Variants in STAT3 observed in about 807,000 individuals in gnomAD.
STAT3 encodes the protein DNA-binding protein APRF.
STAT3 carries 7 observed loss-of-function variants against 114.3 expected under a neutral mutation model. The observed-to-expected ratio is 0.06, with a 90% CI of 0.03 to 0.11. The LOEUF (loss-of-function observed/expected upper bound fraction) is 0.11, where lower values mean the gene tolerates loss of function less well. Ranked by LOEUF, STAT3 falls within the 10% of genes least tolerant of loss-of-function variation. The probability of loss-of-function intolerance (pLI) is 1.00; values close to 1 mark genes in which losing one functional copy is unlikely to be tolerated. For synonymous variants in STAT3, 331 were observed against 354.5 expected, an observed-to-expected ratio of 0.93 and a Z score of 0.74; for missense variants, 364 against 960.9, an observed-to-expected ratio of 0.38 and a Z score of 8.21.
chr17:42,354,676 G>A (rs2083141976), intron 1 of STAT3, among the ~76,000 whole-genome samples: 2 of 151,002 alleles, frequency 1.3e-5, no homozygotes, highest in African/African-American at 4.9e-5. Context: ...GCGTGGTGGT[G>A]GGCGCCTGTA....
intron 10 of STAT3, 25 bp from the exon 11 acceptor site, chr17:42,331,556 GAA>G (rs1304647193): frequency 2.5e-6 from 4 of 1,598,464 alleles, no homozygotes; most frequent in African/African-American, 1.3e-5. Flanking sequence ...AAAATCCAAG[GAA>G]AAAAAGTCAG....
rs949110009 is a variant in STAT3, at chr17:42,371,511, A to T, written c.-24+16768T>A. ...ACATGGAGAAACCTCGTCTCTAATT[A>T]AAAAAAAAAAAAAAATTAGCCAGGC... On this transcript the variant is annotated intron_variant, in intron 1 of 23. Coordinates refer to ENST00000264657, the MANE Select transcript of STAT3 (RefSeq NM_139276.3). 2.2e-5 allele frequency among the ~76,000 whole-genome samples: 3 copies of T among 137,944 alleles called. No homozygotes were observed. The East Asian group carries it at 6.1e-4, about 28-fold the overall frequency. The allele number at this position is 137,944 out of a possible 152,430, so 90.5% of individuals were successfully genotyped here. A position where few individuals can be genotyped will look rare whatever the true frequency, so the allele number is the denominator to read the frequency against.
intron 1 of STAT3, among the ~76,000 whole-genome samples, chr17:42,375,529 T>C (rs563074472): frequency 6.6e-6 from 1 of 152,246 alleles, no homozygotes; most frequent in South Asian, 2.1e-4. Context: ...TTTTTAAATT[T>C]AAAAGAAATA....
At chr17:42,359,664 A>G (rs1266907290) in intron 1 of STAT3, among the ~76,000 whole-genome samples, 3 of 152,236 alleles carry the variant, frequency 2.0e-5, no homozygotes, top group Non-Finnish European at 2.9e-5. Context: ...GCGCTGTTTT[A>G]AACACTTGAC....
At chr17:42,321,028 C>A (rs1188432640) in intron 21 of STAT3, among the ~76,000 whole-genome samples, 1 of 151,844 alleles carries the variant, frequency 6.6e-6, no homozygotes, top group African/African-American at 2.4e-5. Context: ...TCAAGTGATC[C>A]TCCTGCTTCA....
intron 4 of STAT3, among the ~76,000 whole-genome samples, chr17:42,340,872 G>T (rs1268811211): frequency 1.3e-5 from 2 of 152,218 alleles, no homozygotes; most frequent in East Asian, 3.9e-4. Flanking sequence ...CCCACCATAA[G>T]CAAGAGCAGC....
chr17:42,350,825 G>A (rs1195148145), intron 1 of STAT3, among the ~76,000 whole-genome samples: 1 of 152,144 alleles, frequency 6.6e-6, no homozygotes, highest in Non-Finnish European at 1.5e-5. Context: ...AAATTTTCTG[G>A]TAGCCATACT....
At chr17:42,316,029 T>G in intron 23 of STAT3, 1 of 1,422,354 alleles carries the variant, frequency 7.0e-7, no homozygotes, top group Non-Finnish European at 9.2e-7. Flanking sequence ...CAGAGCTCCA[T>G]GTTTACAGAA....
rs1464127333 is a variant in STAT3 at position 42,364,980 on chromosome 17, T to A, written c.-23-16441A>T. Among the ~76,000 whole-genome samples the A allele has an allele frequency of 5.9e-5, 9 of 152,176 alleles. No homozygotes were observed. In the East Asian group the frequency reaches 1.2e-3, roughly 20 times the overall value. Reference sequence around the variant, plus strand: ...CTGACGATGCTTGGATATATAGAAGTCCTTCAGTCAAAGGAACTATGAACT... The same window carrying A: ...CTGACGATGCTTGGATATATAGAAGACCTTCAGTCAAAGGAACTATGAACT... On this transcript the variant is annotated intron_variant, in intron 1 of 23. Transcript: ENST00000264657.
Position 42,324,554 on chromosome 17 carries a change from C to T in STAT3, c.1600+157G>A, listed in dbSNP as rs2081620563. On this transcript the variant is annotated intron_variant, in intron 17 of 23. Coordinates refer to ENST00000264657, the MANE Select transcript of STAT3 (RefSeq NM_139276.3). The surrounding 1 kb of genome is among the most constrained non-coding windows in gnomAD (Gnocchi z 4.5). ...ACTGCAAACTGTCTCTGCACCCCAA[C>T]TCCCCAACTCCCCTGTTTCCTGGCA... Among the ~76,000 whole-genome samples the T allele has an allele frequency of 6.6e-6, 1 of 152,100 alleles. No individual in the cohort carries two copies. The highest frequency in any genetic ancestry group is 1.5e-5 in the Non-Finnish European group (1 of 68,024).
intron 4 of STAT3, among the ~76,000 whole-genome samples, chr17:42,342,035 G>A (rs1598431018): frequency 1.3e-5 from 2 of 152,098 alleles, no homozygotes; most frequent in East Asian, 3.9e-4. Context: ...TTATCTTGTG[G>A]AGCAGGATAA....
Position 42,348,472 on chromosome 17 carries a change from C to T in STAT3, c.45G>A (p.Leu15=). The T allele has an allele frequency of 2.5e-6, 4 of 1,613,958 alleles. No homozygotes were observed. The highest frequency in any genetic ancestry group is 1.1e-5 in the South Asian group (1 of 91,068). ...NQLQQLDTRY[L]EQLHQLYSDS... The stretch of plus-strand genomic sequence containing the variant: ...CACTGTAGAGCTGATGGAGCTGCTC[C>T]AGGTACCGTGTGTCAAGCTGCTGTA... The change falls in exon 2 of 24, where the codon CTG becomes CTA. Residue 15 remains leucine, a synonymous_variant. Coordinates refer to ENST00000264657, the MANE Select transcript of STAT3 (RefSeq NM_139276.3).
intron 1 of STAT3, among the ~76,000 whole-genome samples, chr17:42,356,546 T>A (rs1030938250): frequency 9.2e-5 from 14 of 151,368 alleles, no homozygotes; most frequent in African/African-American, 2.4e-4. Flanking sequence ...TATATTTTTT[T>A]TTTTTTACAT....
chr17:42,353,083 C>T (rs1313765659), intron 1 of STAT3, among the ~76,000 whole-genome samples: 1 of 152,170 alleles, frequency 6.6e-6, no homozygotes, highest in African/African-American at 2.4e-5. Context: ...CATGGTGGCT[C>T]ATGCCTGTAA....
intron 23 of STAT3, 177 bp downstream of exon 23, chr17:42,316,612 G>T: frequency 6.7e-7 from 1 of 1,485,490 alleles, no homozygotes; most frequent in Non-Finnish European, 9.1e-7. Context: ...TTTCCAGTGT[G>T]GCTGCTAGAA....
chr17:42,330,585 C>T (rs541631622), intron 11 of STAT3, among the ~76,000 whole-genome samples: 161 of 151,968 alleles, frequency 1.1e-3, no homozygotes, highest in African/African-American at 3.5e-3. Flanking sequence ...CCCGCCACCA[C>T]GCCCAGCTAG....
chr17:42,368,121 G>C (rs2083906378), intron 1 of STAT3, among the ~76,000 whole-genome samples: 1 of 152,140 alleles, frequency 6.6e-6, no homozygotes, highest in South Asian at 2.1e-4. Context: ...AAGATCACTT[G>C]AGCCCAGGAA....
chr17:42,324,936 C>A lies in STAT3; in HGVS notation c.1464+27G>T, dbSNP rs754031019. The A allele has an allele frequency of 6.2e-7, 1 of 1,614,128 alleles. No homozygotes were observed. The highest frequency in any genetic ancestry group is 1.1e-5 in the South Asian group (1 of 91,078). On this transcript the variant is annotated intron_variant, in intron 16 of 23. Transcript: ENST00000264657. The surrounding 1 kb of genome is among the most constrained non-coding windows in gnomAD (Gnocchi z 4.5). ...CCCTAAGTCGCAAGAGATCCCGGGG[C>A]ACCAACTAAAAGGAGGGGGCACTAA... is the stretch of plus-strand genomic sequence containing the variant.
chr17:42,375,808 A>T (rs1428903680), intron 1 of STAT3, among the ~76,000 whole-genome samples: 11 of 146,726 alleles, frequency 7.5e-5, no homozygotes, highest in Non-Finnish European at 1.4e-4. Context: ...CAGCCTGGGC[A>T]ACAAGAGCGA....
Sources: gnomAD v4.1 joint callset for allele counts (sites outside exome capture counted in the v4.1 genomes callset) on GRCh38, gnomAD v4.1.1 for gene constraint, Gnocchi (gnomAD v3.1) non-coding constraint, MANE v1.5 for transcripts, NCBI Gene and HGNC (gene_info 2026-07-23, HGNC 2026-07-21) for gene names.